The following SECISBP2L variants were observed in gnomAD, a reference collection of about 807,000 sequenced individuals.
The protein encoded by SECISBP2L is selenocysteine insertion sequence-binding protein 2-like.
In SECISBP2L, 43 loss-of-function variants were observed where a neutral mutation model predicts 114.7. The ratio of observed to expected loss-of-function variants is 0.38; its 90% CI spans 0.29 to 0.48. SECISBP2L has a LOEUF of 0.48. Among genes scored for constraint, SECISBP2L ranks in the 20% least tolerant of loss-of-function variants. The pLI is 0.98. For missense variants in SECISBP2L, 1,136 were observed against 1,301.1 expected (o/e 0.87, Z 1.95); for synonymous variants, 451 against 439.7 (o/e 1.03, Z -0.32).
chr15:49,011,627 G>A, intron 13 of SECISBP2L, 104 bp downstream of exon 13: 1 of 1,296,688 alleles, frequency 7.7e-7, no homozygotes, highest in Non-Finnish European at 1.1e-6. Flanking sequence ...TGTAAAATAT[G>A]GAGCACGTCT....
At chr15:48,997,597 A>G (rs1346744717) in intron 16 of SECISBP2L, among the ~76,000 whole-genome samples, 1 of 152,214 alleles carries the variant, frequency 6.6e-6, no homozygotes, top group African/African-American at 2.4e-5. Flanking sequence ...GGCAAAATTC[A>G]GCTGGGCACA....
intron 14 of SECISBP2L, 32 bp from the exon 15 acceptor site, chr15:49,001,129 T>A: frequency 6.9e-7 from 1 of 1,458,606 alleles, no homozygotes; most frequent in East Asian, 2.3e-5. Context: ...GGTAACTCCA[T>A]CCTAATTTTT....
intron 16 of SECISBP2L, among the ~76,000 whole-genome samples, chr15:48,998,064 C>T (rs1416545968): frequency 6.6e-6 from 1 of 152,170 alleles, no homozygotes; most frequent in African/African-American, 2.4e-5. Flanking sequence ...ATGCAACATA[C>T]TCACAACATT....
rs923108826 is a variant in SECISBP2L, at chr15:49,019,981, A to G, written c.1036-429T>C. 2.6e-5 allele frequency among the ~76,000 whole-genome samples: 4 copies of G among 152,206 alleles called. No homozygotes were observed. The East Asian group carries it at 5.8e-4, about 22-fold the overall frequency. The stretch of plus-strand genomic sequence containing the variant: ...AGTGAAAAAGGCCAATCCCAAAAAG[A>G]CTGTATGAAGGCATACAAAATTATT... On this transcript the variant is annotated intron_variant, in intron 7 of 17. Transcript: ENST00000559471.
intron 17 of SECISBP2L, among the ~76,000 whole-genome samples, 196 bp from the exon 18 acceptor site, chr15:48,993,122 T>A (rs1413984312): frequency 7.9e-5 from 12 of 151,544 alleles, no homozygotes; most frequent in East Asian, 1.9e-4. Context: ...TGTGTGTGTG[T>A]GTGTGTGTGT....
At chr15:49,010,624 C>T (rs1307301468) in intron 13 of SECISBP2L, among the ~76,000 whole-genome samples, 1 of 152,106 alleles carries the variant, frequency 6.6e-6, no homozygotes, top group African/African-American at 2.4e-5. Context: ...AATCCTCCCA[C>T]TTCAGTCCCC....
At chr15:49,005,887 G>GTACC (rs1418490444) in intron 14 of SECISBP2L, among the ~76,000 whole-genome samples, 1 of 151,998 alleles carries the variant, frequency 6.6e-6, no homozygotes, top group Non-Finnish European at 1.5e-5. Flanking sequence ...GCAGTGGCTG[G>GTACC]TACCGGTTTT....
chr15:49,004,144 G>A (rs897773380), intron 14 of SECISBP2L, among the ~76,000 whole-genome samples: 10 of 151,984 alleles, frequency 6.6e-5, no homozygotes, highest in Admixed American at 6.6e-5. Context: ...TCAGGGATTC[G>A]ACTTCTTCCT....
intron 16 of SECISBP2L, among the ~76,000 whole-genome samples, chr15:48,998,736 A>G (rs1219938292): frequency 6.6e-6 from 1 of 152,136 alleles, no homozygotes; most frequent in Non-Finnish European, 1.5e-5. Flanking sequence ...GACATACTTG[A>G]TAATATACCA....
chr15:49,041,039 A>G (rs750049743), intron 1 of SECISBP2L, among the ~76,000 whole-genome samples: 10 of 152,140 alleles, frequency 6.6e-5, no homozygotes, highest in Non-Finnish European at 1.3e-4. Context: ...TTCTGTGTTT[A>G]GTCTCTCTAC....
chr15:49,017,822 G>A (rs1297054766), intron 8 of SECISBP2L, 194 bp from the exon 9 acceptor site: 1 of 444,620 alleles, frequency 2.2e-6, no homozygotes. Flanking sequence ...AAGGATGGGG[G>A]CGTATCCACA....
chr15:48,994,863 T>A (rs1595780471), intron 17 of SECISBP2L, among the ~76,000 whole-genome samples: 1 of 144,816 alleles, frequency 6.9e-6, no homozygotes, highest in Non-Finnish European at 1.5e-5. Context: ...AAAAAAACAG[T>A]CTAGTAAGTG....
chr15:48,999,154 G>A (rs975756842), intron 16 of SECISBP2L, among the ~76,000 whole-genome samples: 2 of 152,182 alleles, frequency 1.3e-5, no homozygotes, highest in African/African-American at 4.8e-5. Context: ...GGGAATGTAG[G>A]ATATGCAAAC....
At chr15:48,994,402 G>T (rs1238923356) in intron 17 of SECISBP2L, among the ~76,000 whole-genome samples, 2 of 152,118 alleles carry the variant, frequency 1.3e-5, no homozygotes, top group African/African-American at 4.8e-5. Context: ...TGTCTAACTG[G>T]CTTTTTATCA....
At chr15:49,021,884 C>G (rs774295383) in intron 7 of SECISBP2L, among the ~76,000 whole-genome samples, 24 of 151,996 alleles carry the variant, frequency 1.6e-4, no homozygotes, top group Non-Finnish European at 2.8e-4. Flanking sequence ...GTCAGCTCTT[C>G]TAAGAAAGAG....
Position 49,033,116 on chromosome 15 carries a change from AAC to A in SECISBP2L, c.529-18_529-17del. On this transcript the variant is annotated splice_polypyrimidine_tract_variant and intron_variant, in intron 3 of 17. Coordinates refer to ENST00000559471, the MANE Select transcript of SECISBP2L (RefSeq NM_001193489.2). ...AAAGCTGTTGCTGATTTAAAAAAAA[AAC>A]AAAAAAACAAAAAACACACAACTAT... 6.2e-7 allele frequency: 1 copy of A among 1,600,466 alleles called. No individual in the cohort carries two copies. Among genetic ancestry groups the A allele is most frequent in the Non-Finnish European group, 8.5e-7 (1 of 1,176,230 alleles).
At chr15:49,038,431 T>TAA (rs79850913) in intron 1 of SECISBP2L, among the ~76,000 whole-genome samples, 32 of 104,172 alleles carry the variant, frequency 3.1e-4, no homozygotes, top group African/African-American at 1.1e-3. Context: ...TTAAAAGACA[T>TAA]AAAAAAAAAA....
At chr15:49,025,294 C>A (rs1902718220) in intron 7 of SECISBP2L, among the ~76,000 whole-genome samples, 1 of 152,082 alleles carries the variant, frequency 6.6e-6, no homozygotes, top group Non-Finnish European at 1.5e-5. Context: ...TGAGTTATTC[C>A]TTATCTGAAA....
intron 11 of SECISBP2L, among the ~76,000 whole-genome samples, chr15:49,015,619 A>G (rs1048337148): frequency 6.6e-6 from 1 of 152,180 alleles, no homozygotes; most frequent in Non-Finnish European, 1.5e-5. Context: ...AAAAAAGACT[A>G]TGAAAAGAAA....
Sources: allele counts gnomAD v4.1 joint callset (sites outside exome capture counted in the v4.1 genomes callset), GRCh38; gene constraint gnomAD v4.1.1; transcripts MANE v1.5; gene names NCBI Gene and HGNC (gene_info 2026-07-23, HGNC 2026-07-21).